ATP11A: variants seen among roughly 807,000 people sequenced by gnomAD.
The protein encoded by ATP11A is phospholipid-transporting ATPase IH.
Under a neutral mutation model 154.4 loss-of-function variants are expected in ATP11A, and 81 were observed. The observed-to-expected ratio is 0.52, with a 90% CI of 0.44 to 0.63. ATP11A has a LOEUF of 0.63. Ranked by LOEUF, ATP11A falls within the 30% of genes least tolerant of loss-of-function variation. The pLI is 0.00. For synonymous variants in ATP11A, 623 were observed against 585.9 expected (o/e 1.06, Z -0.91); for missense variants, 1,316 against 1,474.3 (o/e 0.89, Z 1.76).
chr13:112,730,126 G>A lies in ATP11A; in HGVS notation c.39+39671G>A, dbSNP rs9324320. On this transcript the variant is annotated intron_variant, in intron 1 of 29. Coordinates refer to ENST00000375645, the MANE Select transcript of ATP11A (RefSeq NM_015205.3). ...AGAGCCCGTGGGAACCCTTCGCAGC[G>A]GCCCACATAGACCACGGACCACATG... Among the ~76,000 whole-genome samples the A allele has an allele frequency of 4.0e-3, 616 of 152,264 alleles. 3 individuals carry two copies. Among genetic ancestry groups the A allele is most frequent in the African/African-American group, 0.014 (566 of 41,534 alleles).
chr13:112,698,020 C>T (rs1340595839), intron 1 of ATP11A, among the ~76,000 whole-genome samples: 2 of 152,212 alleles, frequency 1.3e-5, no homozygotes, highest in Non-Finnish European at 2.9e-5. Context: ...GAGCCCCTGC[C>T]CCTGCTAAAG....
intron 17 of ATP11A, among the ~76,000 whole-genome samples, chr13:112,846,807 TC>T (rs1300229181): frequency 6.6e-6 from 1 of 152,198 alleles, no homozygotes; most frequent in Non-Finnish European, 1.5e-5. Context: ...AACAGTCTGT[TC>T]CTTTCAGGCC....
chr13:112,832,905 G>T lies in ATP11A; in HGVS notation c.1441G>T (p.Val481Phe). The part of the protein sequence containing the change: ...FFRALCLCHT[V>F]QVKDDDSVDG... ...CCGGGCCCTCTGTCTCTGCCACACC[G>T]TCCAGGTGAAAGACGATGACAGCGT... Residue 481 changes from valine to phenylalanine, a missense_variant, in exon 14 of 30, where the codon GTC becomes TTC. Val to Phe is a conservative substitution (Grantham distance 50). Around this residue, in one of 5 missense-constraint regions of ATP11A, gnomAD observed 876 missense variants for 1,006.8 expected, o/e 0.87. Transcript: ENST00000375645. 6.2e-7 allele frequency: 1 copy of T among 1,614,060 alleles called. No individual in the cohort carries two copies. Among genetic ancestry groups the T allele is most frequent in the South Asian group, 1.1e-5 (1 of 91,066 alleles).
intron 28 of ATP11A, among the ~76,000 whole-genome samples, chr13:112,877,273 G>A (rs1432648951): frequency 6.6e-6 from 1 of 152,182 alleles, no homozygotes; most frequent in African/African-American, 2.4e-5. Context: ...TGCTTCAGGG[G>A]AAACTCACCG....
At chr13:112,862,764 G>GT (rs574914352) in intron 25 of ATP11A, among the ~76,000 whole-genome samples, 189 bp downstream of exon 25, 51 of 147,298 alleles carry the variant, frequency 3.5e-4, no homozygotes, top group Non-Finnish European at 2.4e-4. Flanking sequence ...CACATGTGCC[G>GT]TAATTCAGTG....
At chr13:112,817,251 C>T (rs758931434) in intron 6 of ATP11A, among the ~76,000 whole-genome samples, 4 of 152,152 alleles carry the variant, frequency 2.6e-5, no homozygotes, top group Admixed American at 6.5e-5. Context: ...TTAGGTAATA[C>T]GTATGGATAT....
rs545734344 is a variant in ATP11A, at chr13:112,779,568, T to G, written c.40-5567T>G. Among the ~76,000 whole-genome samples the G allele has an allele frequency of 2.6e-5, 4 of 152,314 alleles. No homozygotes were observed. In the East Asian group the frequency reaches 7.7e-4, roughly 29 times the overall value. On this transcript the variant is annotated intron_variant, in intron 1 of 29. Transcript: ENST00000375645. The stretch of plus-strand genomic sequence containing the variant: ...TTCAGGAAGAGCTTTATATCTAAGT[T>G]TCTAGAATTTACACAGAAGACTGAA...
chr13:112,820,521 C>T (rs979620534), intron 8 of ATP11A, among the ~76,000 whole-genome samples: 9 of 152,186 alleles, frequency 5.9e-5, no homozygotes, highest in Non-Finnish European at 1.5e-5. Context: ...GCAGTCACAT[C>T]GCATACCCAT....
At chr13:112,866,164 A>G (rs373051294) in intron 25 of ATP11A, among the ~76,000 whole-genome samples, 1 of 152,136 alleles carries the variant, frequency 6.6e-6, no homozygotes, top group East Asian at 1.9e-4. Flanking sequence ...CTACCAACAC[A>G]CATATGGTAA....
chr13:112,757,415 C>T (rs1299231197), intron 1 of ATP11A, among the ~76,000 whole-genome samples: 1 of 152,272 alleles, frequency 6.6e-6, no homozygotes, highest in African/African-American at 2.4e-5. Context: ...ACGACTTCCT[C>T]TTATGTCGGT....
At chr13:112,865,059 T>C (rs2080277035) in intron 25 of ATP11A, among the ~76,000 whole-genome samples, 1 of 131,800 alleles carries the variant, frequency 7.6e-6, no homozygotes. Flanking sequence ...ACGTGCAGCT[T>C]CCCAGCGGGA....
chr13:112,720,950 C>T (rs530730126), intron 1 of ATP11A, among the ~76,000 whole-genome samples: 2 of 152,246 alleles, frequency 1.3e-5, no homozygotes, highest in African/African-American at 2.4e-5. Flanking sequence ...TCTGGGGTTC[C>T]TTTGGCCAAG....
At chr13:112,704,554 C>T (rs1156693844) in intron 1 of ATP11A, among the ~76,000 whole-genome samples, 4 of 152,178 alleles carry the variant, frequency 2.6e-5, no homozygotes, top group South Asian at 2.1e-4. Flanking sequence ...ATCTGGAGCA[C>T]GTGAGAGTAT....
At position 112,836,376 on chromosome 13, in the gene ATP11A, A is replaced by G. The variant is rs111297397; in HGVS notation, c.1705+125A>G. The G allele has an allele frequency of 3.3e-3, 1,862 of 560,396 alleles. 33 individuals are homozygous for G. The highest frequency in any genetic ancestry group is 0.031 in the African/African-American group (1,623 of 52,764). The allele number at this position is 560,396 out of a possible 1,614,324, so 34.7% of individuals were successfully genotyped here. On this transcript the variant is annotated intron_variant, in intron 16 of 29. Transcript: ENST00000375645. ...AGAATGATTTATTCTTTTTTTAAAA[A>G]CTATAGACAAATCCTCTCAAAATAC... is the stretch of plus-strand genomic sequence containing the variant.
intron 8 of ATP11A, among the ~76,000 whole-genome samples, chr13:112,822,753 A>G (rs967643009): frequency 6.6e-6 from 1 of 152,062 alleles, no homozygotes; most frequent in African/African-American, 2.4e-5. Context: ...CAAAAAAAAA[A>G]AAAAAAAAGG....
In ATP11A at chr13:112,753,244, C is replaced by T. The variant is rs1314164430; in HGVS notation, c.40-31891C>T. ...GGACTCAACCTCCCCCGCCCCTGGC[C>T]GCCCCACATCATGGACAGCTGGGCT... On this transcript the variant is annotated intron_variant, in intron 1 of 29. Coordinates refer to ENST00000375645, the MANE Select transcript of ATP11A (RefSeq NM_015205.3). This position sits in a 1 kb window ranked among gnomAD's most constrained non-coding sequence, Gnocchi z 4.1. 5.3e-5 allele frequency among the ~76,000 whole-genome samples: 8 copies of T among 152,208 alleles called. No individual in the cohort carries two copies. The East Asian group carries it at 9.6e-4, about 18-fold the overall frequency.
rs1470611836 is a variant in ATP11A, at chr13:112,697,158, T to G, written c.39+6703T>G. 6.6e-6 allele frequency among the ~76,000 whole-genome samples: 1 copy of G among 152,162 alleles called. No individual in the cohort carries two copies. Among genetic ancestry groups the G allele is most frequent in the East Asian group, 1.9e-4 (1 of 5,184 alleles). On this transcript the variant is annotated intron_variant, in intron 1 of 29. Transcript: ENST00000375645. The surrounding 1 kb of genome is among the most constrained non-coding windows in gnomAD (Gnocchi z 4.0). Reference sequence around the variant, plus strand: ...CTGGGGCCTTCCGTGGGCTGCTTCCTGTGGCGTCCTGCGGGCTGGCCGCCC... The same window carrying G: ...CTGGGGCCTTCCGTGGGCTGCTTCCGGTGGCGTCCTGCGGGCTGGCCGCCC...
At chr13:112,713,963 CTT>C in intron 1 of ATP11A, among the ~76,000 whole-genome samples, 1 of 141,348 alleles carries the variant, frequency 7.1e-6, no homozygotes, top group Non-Finnish European at 1.6e-5. Flanking sequence ...CCACGCCTCC[CTT>C]CCCACCCAGC....
rs527383796 is a variant in ATP11A, at chr13:112,744,415, G to A, written c.40-40720G>A. 3.1e-4 allele frequency among the ~76,000 whole-genome samples: 47 copies of A among 152,332 alleles called. No individual in the cohort carries two copies. In the South Asian group the frequency reaches 9.3e-3, roughly 30 times the overall value. ...AGTGCAGTGTTCTGTATGTTGATGT[G>A]TGTTGATGGATTTCTCTGAGTGGCG... On this transcript the variant is annotated intron_variant, in intron 1 of 29. Coordinates refer to ENST00000375645, the MANE Select transcript of ATP11A (RefSeq NM_015205.3).
Sources: gnomAD v4.1 joint callset for allele counts (sites outside exome capture counted in the v4.1 genomes callset) on GRCh38, gnomAD v4.1.1 for gene constraint, gnomAD v4.1.1 regional missense constraint, Gnocchi (gnomAD v3.1) non-coding constraint, MANE v1.5 for transcripts, NCBI Gene and HGNC (gene_info 2026-07-23, HGNC 2026-07-21) for gene names.